Variants in TFDP1 observed in about 807,000 individuals in gnomAD.
TFDP1 encodes the protein transcription factor Dp-1.
A neutral mutation model predicts 48.0 loss-of-function variants in TFDP1; 6 were observed. The observed-to-expected ratio is 0.13, with a 90% CI of 0.07 to 0.25. The LOEUF (loss-of-function observed/expected upper bound fraction) is 0.25, where lower values mean the gene tolerates loss of function less well. Among genes scored for constraint, TFDP1 ranks in the 10% least tolerant of loss-of-function variants. The pLI is 1.00. For synonymous variants in TFDP1, 201 were observed against 211.6 expected (o/e 0.95, Z 0.44); for missense variants, 335 against 543.0 (o/e 0.62, Z 3.81).
At chr13:113,638,146 A>C (rs1180730328) in intron 11 of TFDP1, among the ~76,000 whole-genome samples, 2 of 152,206 alleles carry the variant, frequency 1.3e-5, no homozygotes, top group African/African-American at 4.8e-5. Context: ...CCTAATAAGT[A>C]AAGTAGGAAT....
chr13:113,627,913 C>T lies in TFDP1; in HGVS notation c.187-3710C>T, dbSNP rs1438598897. Among the ~76,000 whole-genome samples, 1 of 152,192 alleles carries T rather than the reference C, an allele frequency of 6.6e-6. No homozygotes were observed. Among genetic ancestry groups the T allele is most frequent in the East Asian group, 1.9e-4 (1 of 5,190 alleles). ...GGGATCGCTGCTTTAAACACCAAGG[C>T]TCACTGTGCAGCCAGTGAGGAGGGG... On this transcript the variant is annotated intron_variant, in intron 4 of 11. Coordinates refer to ENST00000375370, the MANE Select transcript of TFDP1 (RefSeq NM_007111.5). This position sits in a 1 kb window ranked among gnomAD's most constrained non-coding sequence, Gnocchi z 4.1.
At chr13:113,616,514 T>C (rs1363997283) in intron 3 of TFDP1, among the ~76,000 whole-genome samples, 2 of 152,252 alleles carry the variant, frequency 1.3e-5, no homozygotes, top group East Asian at 3.9e-4. Flanking sequence ...GCTGCTCATC[T>C]GGGAGTGCCC....
At chr13:113,619,044 G>T (rs2048930704) in intron 3 of TFDP1, among the ~76,000 whole-genome samples, 1 of 152,208 alleles carries the variant, frequency 6.6e-6, no homozygotes, top group South Asian at 2.1e-4. Flanking sequence ...GGATCCTGGG[G>T]ACTGTAATTT....
In TFDP1 at chr13:113,584,846, C is replaced by T. The variant is rs1026489389; in HGVS notation, c.-107C>T. The T allele has an allele frequency of 1.9e-4, 28 of 146,344 alleles. No homozygotes were observed. The highest frequency in any genetic ancestry group is 3.5e-4 in the Non-Finnish European group (23 of 65,858). The allele number at this position is 146,344 out of a possible 1,614,324, so 9.1% of individuals were successfully genotyped here. On this transcript the variant is annotated 5_prime_UTR_variant, in exon 1 of 12. Coordinates refer to ENST00000375370, the MANE Select transcript of TFDP1 (RefSeq NM_007111.5). ...GCGCCGCCCCGCGCTCCGCACCGCG[C>T]CCTCTCCGCGTCCCCGCCCGCGCGG... is the stretch of plus-strand genomic sequence containing the variant.
rs772547547 is a variant in TFDP1, at chr13:113,634,597, C to T, written c.682C>T (p.Leu228=). The T allele has an allele frequency of 1.2e-6, 2 of 1,611,296 alleles. No individual in the cohort carries two copies. Among genetic ancestry groups the T allele is most frequent in the Non-Finnish European group, 8.5e-7 (1 of 1,178,534 alleles). The change falls in exon 8 of 12, where the codon CTA becomes TTA. Residue 228 remains leucine (L), a synonymous_variant. Transcript: ENST00000375370. ...ACAGTCTCAACTTCAAGAACTTATT[C>T]TACAGGTAAGAGAATACGTATCTGT... ...QKQSQLQELI[L]QQIAFKNLVQ...
intron 4 of TFDP1, among the ~76,000 whole-genome samples, chr13:113,628,669 C>T (rs1002234314): frequency 6.6e-6 from 1 of 152,250 alleles, no homozygotes; most frequent in Non-Finnish European, 1.5e-5. Flanking sequence ...GGTCTCTGCC[C>T]ACCACTCCAG....
At chr13:113,596,607 C>T (rs750098856) in intron 2 of TFDP1, among the ~76,000 whole-genome samples, 51 of 152,204 alleles carry the variant, frequency 3.4e-4, no homozygotes, top group Non-Finnish European at 5.1e-4. Context: ...CTGTAGGCTC[C>T]GTGTCTGGGA....
intron 2 of TFDP1, among the ~76,000 whole-genome samples, chr13:113,595,640 T>C (rs115707525): frequency 1.3e-3 from 202 of 152,340 alleles, no homozygotes; most frequent in African/African-American, 4.7e-3. Context: ...GGATGAGTCT[T>C]AGGATGAATT....
chr13:113,611,571 G>A (rs903870266), intron 3 of TFDP1, among the ~76,000 whole-genome samples: 2 of 152,242 alleles, frequency 1.3e-5, no homozygotes, highest in Admixed American at 1.3e-4. Flanking sequence ...GTCAGCTGGA[G>A]AGGTTGAAGC....
chr13:113,640,936 G>T lies in TFDP1; in HGVS notation c.*669G>T, dbSNP rs766475896. ...GAAGTGCTTTTGTTTGTTTGTTTTC[G>T]TTTGGTTAAAGCTTATTGCCATGCT... On this transcript the variant is annotated 3_prime_UTR_variant, in exon 12 of 12. Transcript: ENST00000375370. 3.3e-5 allele frequency: 5 copies of T among 152,812 alleles called. No homozygotes were observed. The highest frequency in any genetic ancestry group is 7.2e-5 in the African/African-American group (3 of 41,406). 9.5% of individuals were successfully genotyped at this position (152,812 alleles called of 1,614,324 possible). A position where few individuals can be genotyped will look rare whatever the true frequency, so the allele number is the denominator to read the frequency against.
In TFDP1 at chr13:113,633,573, G is replaced by A. The variant is rs1594531491; in HGVS notation, c.474+288G>A. ...ATTTTTCCGATCCATTTGCTGGCAC[G>A]ATGCTTTGTCAACTCCAGTGAGTGA... On this transcript the variant is annotated intron_variant, in intron 6 of 11. Coordinates refer to ENST00000375370, the MANE Select transcript of TFDP1 (RefSeq NM_007111.5). The surrounding 1 kb of genome is among the most constrained non-coding windows in gnomAD (Gnocchi z 4.5). 6.6e-6 allele frequency among the ~76,000 whole-genome samples: 1 copy of A among 152,310 alleles called. No individual in the cohort carries two copies. Among genetic ancestry groups the A allele is most frequent in the East Asian group, 1.9e-4 (1 of 5,176 alleles).
At chr13:113,606,986 G>A (rs1288255641) in intron 2 of TFDP1, among the ~76,000 whole-genome samples, 2 of 152,322 alleles carry the variant, frequency 1.3e-5, no homozygotes, top group Admixed American at 6.5e-5. Flanking sequence ...TTATTCATCC[G>A]CCAGCTCTGG....
chr13:113,610,894 T>C, intron 2 of TFDP1, 102 bp from the exon 3 acceptor site: 1 of 1,096,472 alleles, frequency 9.1e-7, no homozygotes, highest in Non-Finnish European at 1.4e-6. Context: ...TCTGCCTTTT[T>C]ATGACGTTAT....
intron 2 of TFDP1, among the ~76,000 whole-genome samples, chr13:113,589,188 T>G (rs1393089861): frequency 1.3e-5 from 2 of 152,166 alleles, no homozygotes; most frequent in African/African-American, 4.8e-5. Context: ...AGGGACTTTT[T>G]ATTTTATTGC....
intron 5 of TFDP1, chr13:113,632,040 C>T: frequency 5.0e-6 from 2 of 403,588 alleles, no homozygotes; most frequent in Non-Finnish European, 9.0e-6. Context: ...AAGCTGGCCT[C>T]GTACTCGCCA....
Position 113,640,390 on chromosome 13 carries a change from T to C in TFDP1, c.*123T>C. 6.9e-7 allele frequency: 1 copy of C among 1,456,644 alleles called. No homozygotes were observed. The highest frequency in any genetic ancestry group is 9.1e-7 in the Non-Finnish European group (1 of 1,097,124). The allele number at this position is 1,456,644 out of a possible 1,614,324, so 90.2% of individuals were successfully genotyped here. ...AGAAGATATTGGTAAGCTATTGAAT[T>C]TAGATATGCACCTCTGATAAGCAAG... On this transcript the variant is annotated 3_prime_UTR_variant, in exon 12 of 12. Coordinates refer to ENST00000375370, the MANE Select transcript of TFDP1 (RefSeq NM_007111.5).
chr13:113,620,618 A>G (rs1277135139), intron 3 of TFDP1, among the ~76,000 whole-genome samples: 1 of 152,242 alleles, frequency 6.6e-6, no homozygotes, highest in East Asian at 1.9e-4. Flanking sequence ...TGCTTTTAAA[A>G]TGCCTTTCCC....
chr13:113,597,389 C>T (rs578260231), intron 2 of TFDP1, among the ~76,000 whole-genome samples: 7 of 152,334 alleles, frequency 4.6e-5, no homozygotes, highest in East Asian at 1.9e-4. Flanking sequence ...GCCTGGACCC[C>T]GTCGCGCTGT....
At chr13:113,610,899 C>T (rs1398669038) in intron 2 of TFDP1, 97 bp from the exon 3 acceptor site, 13 of 1,132,058 alleles carry the variant, frequency 1.1e-5, no homozygotes, top group Middle Eastern at 2.9e-4. Flanking sequence ...CTTTTTATGA[C>T]GTTATTTGAT....
Sources: gnomAD v4.1 joint callset for allele counts (sites outside exome capture counted in the v4.1 genomes callset) on GRCh38, gnomAD v4.1.1 for gene constraint, Gnocchi (gnomAD v3.1) non-coding constraint, MANE v1.5 for transcripts, NCBI Gene and HGNC (gene_info 2026-07-23, HGNC 2026-07-21) for gene names.